PDE12: variants seen among roughly 807,000 people sequenced by gnomAD.
PDE12 encodes the protein 2',5'-phosphodiesterase 12.
A neutral mutation model predicts 45.4 loss-of-function variants in PDE12; 26 were observed. That is an observed-to-expected ratio of 0.57 (90% CI 0.42 to 0.79). The LOEUF (loss-of-function observed/expected upper bound fraction) is 0.79. PDE12 is among the 30% of genes least tolerant of loss of function. The pLI, the probability that PDE12 is intolerant of heterozygous loss-of-function variation, is 0.00. For synonymous variants in PDE12, 283 were observed against 323.9 expected, an observed-to-expected ratio of 0.87 and a Z score of 1.36; for missense variants, 668 against 790.0, an observed-to-expected ratio of 0.85 and a Z score of 1.85.
the PDE12 span, among the ~76,000 whole-genome samples, chr3:57,576,176 C>CATG: frequency 6.6e-6 from 1 of 152,040 alleles, no homozygotes; most frequent in Non-Finnish European, 1.5e-5. Flanking sequence ...TGTACTGATG[C>CATG]ATGATGCAAT....
At chr3:57,635,872 C>T in the PDE12 span, among the ~76,000 whole-genome samples, 1 of 152,116 alleles carries the variant, frequency 6.6e-6, no homozygotes, top group East Asian at 1.9e-4. Context: ...GTTAGCAAGA[C>T]CATTCCCTCC....
the PDE12 span, among the ~76,000 whole-genome samples, chr3:57,622,479 A>G: frequency 4.6e-5 from 7 of 152,224 alleles, no homozygotes; most frequent in Non-Finnish European, 7.3e-5. Context: ...TACTTATAGA[A>G]AACAAAATAG....
the PDE12 span, among the ~76,000 whole-genome samples, chr3:57,594,321 AATGTGATCC>A: frequency 6.6e-6 from 1 of 152,176 alleles, no homozygotes; most frequent in Admixed American, 6.5e-5. Flanking sequence ...GGCTGGCCTC[AATGTGATCC>A]TCCCAACCTG....
the PDE12 span, among the ~76,000 whole-genome samples, chr3:57,592,457 G>C: frequency 1.3e-5 from 2 of 152,086 alleles, no homozygotes; most frequent in African/African-American, 2.4e-5. Flanking sequence ...CACTGTACTC[G>C]AGCCTGGGTG....
the PDE12 span, among the ~76,000 whole-genome samples, chr3:57,655,524 T>G: frequency 1.3e-5 from 2 of 152,188 alleles, no homozygotes; most frequent in Non-Finnish European, 2.9e-5. Context: ...GTTTTGAGCA[T>G]TGACATGATG....
At chr3:57,598,313 C>G in the PDE12 span, 1 of 152,000 alleles carries the variant, frequency 6.6e-6, no homozygotes, top group Non-Finnish European at 1.5e-5. Context: ...TTGCTTATTC[C>G]AACTGGTATA....
the PDE12 span, among the ~76,000 whole-genome samples, chr3:57,622,044 C>T: frequency 1.4e-4 from 21 of 152,138 alleles, no homozygotes; most frequent in Middle Eastern, 0.01. Context: ...GGCATGCTGG[C>T]GGGTGTCTGT....
the PDE12 span, chr3:57,646,181 G>A: frequency 2.3e-4 from 288 of 1,246,998 alleles, no homozygotes; most frequent in Non-Finnish European, 2.7e-4. Context: ...CCTTCTGATA[G>A]GGTTTTTGCA....
the PDE12 span, among the ~76,000 whole-genome samples, chr3:57,603,708 C>A: frequency 6.6e-6 from 1 of 151,774 alleles, no homozygotes; most frequent in Admixed American, 6.6e-5. Context: ...CCACCACCCC[C>A]GCCTCCCAGT....
chr3:57,595,876 G>A, the PDE12 span, among the ~76,000 whole-genome samples: 1 of 151,956 alleles, frequency 6.6e-6, no homozygotes, highest in Non-Finnish European at 1.5e-5. Flanking sequence ...TCTTGAACCC[G>A]GGAGGTGGAG....
At chr3:57,573,239 G>C in the PDE12 span, among the ~76,000 whole-genome samples, 21 of 151,514 alleles carry the variant, frequency 1.4e-4, no homozygotes, top group African/African-American at 5.1e-4. Context: ...AGTAGGGTTT[G>C]TTGATATTTT....
the PDE12 span, among the ~76,000 whole-genome samples, chr3:57,656,449 T>C: frequency 6.6e-6 from 1 of 152,232 alleles, no homozygotes; most frequent in Non-Finnish European, 1.5e-5. Flanking sequence ...TTCGGTTGTG[T>C]ATAGTTTTAT....
the PDE12 span, among the ~76,000 whole-genome samples, chr3:57,642,040 C>T: frequency 3.9e-5 from 6 of 152,044 alleles, no homozygotes; most frequent in African/African-American, 1.2e-4. Context: ...ATTAGCCGAG[C>T]GCGGTGATTC....
the PDE12 span, among the ~76,000 whole-genome samples, chr3:57,615,212 T>C: frequency 6.6e-6 from 1 of 152,026 alleles, no homozygotes; most frequent in African/African-American, 2.4e-5. Context: ...TTATCTTAAA[T>C]GAAATAACTC....
chr3:57,585,045 G>C, the PDE12 span, among the ~76,000 whole-genome samples: 1 of 151,994 alleles, frequency 6.6e-6, no homozygotes, highest in African/African-American at 2.4e-5. Flanking sequence ...TGTATTTTTA[G>C]TAGAGACGGG....
the PDE12 span, among the ~76,000 whole-genome samples, chr3:57,647,119 T>C: frequency 6.6e-6 from 1 of 152,196 alleles, no homozygotes; most frequent in East Asian, 1.9e-4. Context: ...GAAAATCTTA[T>C]CTATTTATGA....
At chr3:57,588,305 C>T in the PDE12 span, among the ~76,000 whole-genome samples, 1 of 152,334 alleles carries the variant, frequency 6.6e-6, no homozygotes, top group Admixed American at 6.5e-5. Context: ...TCACTCACAC[C>T]TGTAATCCTA....
the PDE12 span, among the ~76,000 whole-genome samples, chr3:57,609,945 A>G: frequency 4.7e-4 from 72 of 152,298 alleles, 1 homozygote; most frequent in African/African-American, 1.7e-3. Flanking sequence ...AGAGAATTTT[A>G]GACCAATATC....
chr3:57,602,760 G>A, the PDE12 span, among the ~76,000 whole-genome samples: 3 of 151,884 alleles, frequency 2.0e-5, no homozygotes, highest in Admixed American at 6.6e-5. Context: ...TAGTAGAGAC[G>A]GTGTTTCACC....
Sources: gnomAD v4.1 joint callset for allele counts (sites outside exome capture counted in the v4.1 genomes callset) on GRCh38, gnomAD v4.1.1 for gene constraint, MANE v1.5 for transcripts, NCBI Gene and HGNC (gene_info 2026-07-23, HGNC 2026-07-21) for gene names.